ACTR10: variants seen among roughly 807,000 people sequenced by gnomAD.
ACTR10 encodes the protein actin-related protein 10.
A neutral mutation model predicts 56.2 loss-of-function variants in ACTR10; 43 were observed. The observed-to-expected ratio is 0.77, with a 90% CI of 0.60 to 0.99. ACTR10 has a LOEUF of 0.99. Ranked by LOEUF, ACTR10 falls within the 50% of genes least tolerant of loss-of-function variation. The pLI, the probability that ACTR10 is intolerant of heterozygous loss-of-function variation, is 0.00. For missense variants in ACTR10, 466 were observed against 507.8 expected (o/e 0.92, Z 0.79); for synonymous variants, 170 against 176.3 (o/e 0.96, Z 0.28).
At chr14:58,230,067 C>A (rs950310527) in intron 10 of ACTR10, among the ~76,000 whole-genome samples, 1 of 151,990 alleles carries the variant, frequency 6.6e-6, no homozygotes. Flanking sequence ...AATACTATTT[C>A]TTTTCTCTTA....
At chr14:58,206,106 T>TACC (rs1482016810) in intron 2 of ACTR10, among the ~76,000 whole-genome samples, 1 of 152,168 alleles carries the variant, frequency 6.6e-6, no homozygotes, top group Non-Finnish European at 1.5e-5. Flanking sequence ...ATTACTGTGT[T>TACC]ACCAGATAGA....
chr14:58,205,176 G>A (rs1329736119), intron 2 of ACTR10, among the ~76,000 whole-genome samples: 1 of 151,708 alleles, frequency 6.6e-6, no homozygotes. Context: ...AGCTGAGATT[G>A]TGCCATTGCA....
chr14:58,213,594 A>G (rs756748122), intron 5 of ACTR10, 37 bp from the exon 6 acceptor site: 3 of 1,434,590 alleles, frequency 2.1e-6, no homozygotes, highest in African/African-American at 1.4e-5. Flanking sequence ...ACCACATTTT[A>G]TCTCCTAAAA....
At chr14:58,207,020 A>ATT (rs67404166) in intron 2 of ACTR10, 4,482 of 124,564 alleles carry the variant, frequency 0.036, 158 homozygotes, top group Middle Eastern at 0.073. Context: ...TCAATGCTGA[A>ATT]TTTTTTTTTT....
At position 58,213,710 on chromosome 14, in the gene ACTR10, G is replaced by A; in HGVS notation, c.518+12G>A. On this transcript the variant is annotated intron_variant, in intron 6 of 12. Coordinates refer to ENST00000254286, the MANE Select transcript of ACTR10 (RefSeq NM_018477.3). ...AAAGCTCTTCACAAGTAAGTTTCTT[G>A]GAATTTAACATATTCATTTCACCTG... The A allele has an allele frequency of 1.2e-6, 2 of 1,603,036 alleles. No homozygotes were observed. Among genetic ancestry groups the A allele is most frequent in the Non-Finnish European group, 1.7e-6 (2 of 1,172,362 alleles).
intron 10 of ACTR10, among the ~76,000 whole-genome samples, chr14:58,227,540 A>G (rs1889433123): frequency 6.6e-6 from 1 of 152,238 alleles, no homozygotes; most frequent in Non-Finnish European, 1.5e-5. Flanking sequence ...TTGTTAAGTT[A>G]TGTAATTTTA....
intron 10 of ACTR10, among the ~76,000 whole-genome samples, chr14:58,228,962 G>A (rs1231620947): frequency 6.7e-6 from 1 of 149,756 alleles, no homozygotes; most frequent in African/African-American, 2.5e-5. Flanking sequence ...ACAGGCAGTT[G>A]TAAAAGATAA....
intron 1 of ACTR10, 21 bp from the exon 2 acceptor site, chr14:58,202,834 C>G (rs374362849): frequency 6.5e-7 from 1 of 1,537,992 alleles, no homozygotes; most frequent in Non-Finnish European, 8.9e-7. Flanking sequence ...TAAGTTGTTT[C>G]AATTTTCCAT....
In ACTR10 at chr14:58,234,928, T is replaced by TCTC. The variant is rs34017088; in HGVS notation, c.*379_*380insCCT. ...GCTCCGCCTCCCGGGTTTACGCCAT[T>TCTC]CTGTCTCAGCCTCCTGAGTAGCTGG... On this transcript the variant is annotated 3_prime_UTR_variant, in exon 13 of 13. Coordinates refer to ENST00000254286, the MANE Select transcript of ACTR10 (RefSeq NM_018477.3). 62,189 of 154,104 alleles carry TCTC rather than the reference T, an allele frequency of 0.4. 13,095 individuals are homozygous for TCTC. The highest frequency in any genetic ancestry group is 0.48 in the Non-Finnish European group (33,393 of 70,196). The allele number at this position is 154,104 out of a possible 1,614,324, so 9.5% of individuals were successfully genotyped here. A position where few individuals can be genotyped will look rare whatever the true frequency, so the allele number is the denominator to read the frequency against.
At chr14:58,215,182 T>G in intron 6 of ACTR10, 23 bp from the exon 7 acceptor site, 1 of 1,452,878 alleles carries the variant, frequency 6.9e-7, no homozygotes, top group Non-Finnish European at 9.5e-7. Context: ...TTCATTCCAG[T>G]AACTTTTTTT....
chr14:58,203,181 A>G (rs980358699), intron 2 of ACTR10, among the ~76,000 whole-genome samples: 5 of 151,958 alleles, frequency 3.3e-5, no homozygotes, highest in Admixed American at 3.3e-4. Flanking sequence ...AGGCACCTCT[A>G]ATCCCAGCTC....
At chr14:58,202,584 A>G (rs1255475775) in intron 1 of ACTR10, among the ~76,000 whole-genome samples, 1 of 143,456 alleles carries the variant, frequency 7.0e-6, no homozygotes, top group Non-Finnish European at 1.5e-5. Context: ...ACTCCATCTC[A>G]AAAAAAAAAA....
intron 10 of ACTR10, among the ~76,000 whole-genome samples, chr14:58,230,046 A>G (rs1889493732): frequency 6.6e-6 from 1 of 152,208 alleles, no homozygotes; most frequent in Non-Finnish European, 1.5e-5. Flanking sequence ...GAATCTTACT[A>G]ACTTTCATAG....
In ACTR10 at chr14:58,235,578, A is replaced by G. The variant is rs529358613; in HGVS notation, c.*1027A>G. 2.0e-5 allele frequency: 3 copies of G among 152,306 alleles called. No homozygotes were observed. In the East Asian group the frequency reaches 5.8e-4, roughly 29 times the overall value. The allele number at this position is 152,306 out of a possible 1,614,324, so 9.4% of individuals were successfully genotyped here. A position where few individuals can be genotyped will look rare whatever the true frequency, so the allele number is the denominator to read the frequency against. ...CAGAGGTTCTTGAAATATGTACTCA[A>G]TCATTTAACTTTTATTTTATTTTTT... On this transcript the variant is annotated 3_prime_UTR_variant, in exon 13 of 13. Transcript: ENST00000254286.
At chr14:58,223,445 G>GT (rs1168756445) in intron 8 of ACTR10, 177 bp from the exon 9 acceptor site, 8 of 639,222 alleles carry the variant, frequency 1.3e-5, no homozygotes, top group South Asian at 6.4e-5. Flanking sequence ...GCCAAAACAG[G>GT]TTTTTTAATG....
In ACTR10 at chr14:58,209,114, G is replaced by A. The variant is rs369023311; in HGVS notation, c.342+7G>A. On this transcript the variant is annotated splice_region_variant and intron_variant, in intron 4 of 12. Transcript: ENST00000254286. ...TCTTTTCAAATATTTTGAGGTACCTGTCTTTATATCAAATAAGTAAATTGC... is the reference window on the plus strand; with the variant it reads ...TCTTTTCAAATATTTTGAGGTACCTATCTTTATATCAAATAAGTAAATTGC... The A allele has an allele frequency of 3.2e-5, 48 of 1,521,016 alleles. No homozygotes were observed. The highest frequency in any genetic ancestry group is 3.8e-5 in the Non-Finnish European group (42 of 1,118,024). 94.2% of individuals were successfully genotyped at this position (1,521,016 alleles called of 1,614,324 possible). A position where few individuals can be genotyped will look rare whatever the true frequency, so the allele number is the denominator to read the frequency against.
chr14:58,231,573 C>T (rs1889534429), intron 11 of ACTR10, among the ~76,000 whole-genome samples: 1 of 152,152 alleles, frequency 6.6e-6, no homozygotes, highest in South Asian at 2.1e-4. Context: ...CATTGAAGGA[C>T]CTTATCATCG....
intron 7 of ACTR10, among the ~76,000 whole-genome samples, chr14:58,217,953 T>C (rs1424533331): frequency 6.6e-6 from 1 of 152,244 alleles, no homozygotes; most frequent in Non-Finnish European, 1.5e-5. Flanking sequence ...GCATTTTTTT[T>C]AGAGCCAGAG....
At chr14:58,220,070 TTTA>T (rs1889227106) in intron 8 of ACTR10, among the ~76,000 whole-genome samples, 1 of 152,190 alleles carries the variant, frequency 6.6e-6, no homozygotes, top group African/African-American at 2.4e-5. Flanking sequence ...TCTAGTTTTC[TTTA>T]TACATTTTTC....
Sources: gnomAD v4.1 joint callset for allele counts (sites outside exome capture counted in the v4.1 genomes callset) on GRCh38, gnomAD v4.1.1 for gene constraint, MANE v1.5 for transcripts, NCBI Gene and HGNC (gene_info 2026-07-23, HGNC 2026-07-21) for gene names.